Variants in TRPC5OS observed in about 807,000 individuals in gnomAD.
TRPC5OS encodes putative uncharacterized protein TRPC5OS.
For missense variants in TRPC5OS, 64 were observed against 79.3 expected, an observed-to-expected ratio of 0.81 and a Z score of 0.73; for synonymous variants, 30 against 29.3, an observed-to-expected ratio of 1.02 and a Z score of -0.08.
In TRPC5OS at chrX:111,902,913, A is replaced by G. The variant is rs1407369698; in HGVS notation, c.*728A>G. The G allele has an allele frequency of 8.9e-6, 1 of 112,020 alleles. No individual in the cohort carries two copies. Among genetic ancestry groups the G allele is most frequent in the Non-Finnish European group, 1.9e-5 (1 of 53,163 alleles). The allele number at this position is 112,020 out of a possible 1,213,427, so 9.2% of individuals were successfully genotyped here. ...CAAATGGAAAAGGCACACTATACCAAATAATCAAAGAGAGAAGTAATAGAA... is the reference window on the plus strand; with the variant it reads ...CAAATGGAAAAGGCACACTATACCAGATAATCAAAGAGAGAAGTAATAGAA... On this transcript the variant is annotated 3_prime_UTR_variant, in exon 4 of 4. Transcript: ENST00000635763.
chrX:111,900,364 T>G (rs1464352845), intron 3 of TRPC5OS, among the ~76,000 whole-genome samples: 1 of 111,486 alleles, frequency 9.0e-6, no homozygotes. Flanking sequence ...AGCCAGAAAT[T>G]TAACATGTAG....
At position 111,879,747 on chromosome X, in the gene TRPC5OS, A is replaced by G. The variant is rs752587716; in HGVS notation, c.-546+3474A>G. Among the ~76,000 whole-genome samples, 18 of 112,535 alleles carry G rather than the reference A, an allele frequency of 1.6e-4. No homozygotes were observed. The South Asian group carries it at 1.8e-3, about 11-fold the overall frequency. On this transcript the variant is annotated intron_variant, in intron 1 of 3. Coordinates refer to ENST00000635763, the MANE Select transcript of TRPC5OS (RefSeq NM_001195578.2). ...CATGATTAGTATCTATCCTCTTTTT[A>G]CAGAGAAAGAAATATGAGGCTCATT...
chrX:111,885,655 G>A, intron 1 of TRPC5OS, among the ~76,000 whole-genome samples: 1 of 110,176 alleles, frequency 9.1e-6, no homozygotes. Flanking sequence ...CTTGAGATAG[G>A]TGTCAACATC....
intron 1 of TRPC5OS, among the ~76,000 whole-genome samples, chrX:111,883,776 A>C (rs1004407004): frequency 8.9e-5 from 10 of 112,775 alleles, no homozygotes; most frequent in Admixed American, 8.4e-4. Flanking sequence ...GAGCCAGGTT[A>C]AGCCCTAGCC....
At chrX:111,885,363 C>T (rs1247792608) in intron 1 of TRPC5OS, among the ~76,000 whole-genome samples, 1 of 111,430 alleles carries the variant, frequency 9.0e-6, no homozygotes. Flanking sequence ...TAGTTAGGAC[C>T]TAGTCATCCC....
chrX:111,881,104 CTA>C (rs1185634708), intron 1 of TRPC5OS, among the ~76,000 whole-genome samples: 1 of 110,628 alleles, frequency 9.0e-6, no homozygotes, highest in Admixed American at 9.6e-5. Flanking sequence ...CTTAGGAATG[CTA>C]TGTTTTTTTG....
At position 111,899,857 on chromosome X, in the gene TRPC5OS, A is replaced by G. The variant is rs180971738; in HGVS notation, c.-310-1683A>G. ...TAAATCAAACAAACAGATCCTTTGA[A>G]TTAATAAAACAAACTGCTCTGCCTC... is the stretch of plus-strand genomic sequence containing the variant. On this transcript the variant is annotated intron_variant, in intron 3 of 3. Transcript: ENST00000635763. Among the ~76,000 whole-genome samples, 130 of 111,595 alleles carry G rather than the reference A, an allele frequency of 1.2e-3. No individual in the cohort carries two copies. In the Middle Eastern group the frequency reaches 0.014, roughly 12 times the overall value.
At chrX:111,886,725 G>A (rs1192469971) in intron 1 of TRPC5OS, among the ~76,000 whole-genome samples, 2 of 112,054 alleles carry the variant, frequency 1.8e-5, no homozygotes, top group Non-Finnish European at 3.8e-5. Flanking sequence ...CTCTGGTACT[G>A]TGGATTCAAT....
At chrX:111,894,194 C>T (rs1924950969) in intron 1 of TRPC5OS, among the ~76,000 whole-genome samples, 1 of 111,453 alleles carries the variant, frequency 9.0e-6, no homozygotes, top group East Asian at 2.8e-4. Flanking sequence ...ACTAATTTAC[C>T]TTACCTAATA....
At chrX:111,897,619 G>A (rs1157926633) in intron 3 of TRPC5OS, among the ~76,000 whole-genome samples, 2 of 111,501 alleles carry the variant, frequency 1.8e-5, no homozygotes, top group Non-Finnish European at 3.8e-5. Flanking sequence ...ATTGTATATG[G>A]ATGGAATCAT....
At chrX:111,893,720 ATTCTT>A (rs1031213955) in intron 1 of TRPC5OS, among the ~76,000 whole-genome samples, 7 of 112,013 alleles carry the variant, frequency 6.2e-5, no homozygotes, top group Non-Finnish European at 1.3e-4. Flanking sequence ...CAGCTGCACA[ATTCTT>A]TCCTTTCTTT....
Position 111,902,393 on chromosome X carries a change from G to A in TRPC5OS, c.*208G>A. The A allele has an allele frequency of 3.4e-6, 1 of 291,069 alleles. No homozygotes were observed. The highest frequency in any genetic ancestry group is 5.9e-6 in the Non-Finnish European group (1 of 168,574). 24.0% of individuals were successfully genotyped at this position (291,069 alleles called of 1,213,427 possible). ...TCTTTGTTGTTATTCAGAAAGTTCT[G>A]TCTTTTGCCATGTAGGTCTCCCTTT... On this transcript the variant is annotated 3_prime_UTR_variant, in exon 4 of 4. Transcript: ENST00000635763.
chrX:111,882,867 C>T (rs1408659969), intron 1 of TRPC5OS, among the ~76,000 whole-genome samples: 1 of 111,745 alleles, frequency 8.9e-6, no homozygotes, highest in East Asian at 2.8e-4. Flanking sequence ...AGGAGAGTCA[C>T]CTGAGGTTAG....
chrX:111,896,814 TCTTTA>T (rs1360488938), intron 3 of TRPC5OS, among the ~76,000 whole-genome samples: 1 of 112,062 alleles, frequency 8.9e-6, no homozygotes, highest in East Asian at 2.8e-4. Context: ...CAGCTCTGCA[TCTTTA>T]CTTATGTGAT....
intron 1 of TRPC5OS, among the ~76,000 whole-genome samples, chrX:111,881,269 C>T (rs1440510220): frequency 3.6e-5 from 4 of 110,092 alleles, no homozygotes; most frequent in Non-Finnish European, 7.6e-5. Context: ...CTCCACCTCC[C>T]GGGTTCAAGT....
At chrX:111,896,177 T>C (rs1925050873) in intron 2 of TRPC5OS, 81 bp downstream of exon 2, 1 of 111,144 alleles carries the variant, frequency 9.0e-6, no homozygotes, top group Non-Finnish European at 1.9e-5. Flanking sequence ...CCCAAAGTTA[T>C]GCTCATTTCT....
At chrX:111,876,900 A>C (rs1184140208) in intron 1 of TRPC5OS, among the ~76,000 whole-genome samples, 1 of 111,651 alleles carries the variant, frequency 9.0e-6, no homozygotes, top group East Asian at 2.8e-4. Flanking sequence ...TTAGTCATTC[A>C]TAACAACATT....
Position 111,903,507 on chromosome X carries a change from G to A in TRPC5OS, c.*1322G>A, listed in dbSNP as rs992848485. The stretch of plus-strand genomic sequence containing the variant: ...ATGTTGCTATAAACAGCTGGTAGGC[G>A]ATTGACATAAGTCATGTATCTGAAA... On this transcript the variant is annotated 3_prime_UTR_variant, in exon 4 of 4. Coordinates refer to ENST00000635763, the MANE Select transcript of TRPC5OS (RefSeq NM_001195578.2). The A allele has an allele frequency of 8.9e-6, 1 of 112,175 alleles. No homozygotes were observed. Among genetic ancestry groups the A allele is most frequent in the African/African-American group, 3.2e-5 (1 of 30,864 alleles). 9.2% of individuals were successfully genotyped at this position (112,175 alleles called of 1,213,427 possible).
At chrX:111,890,714 A>G (rs1005011607) in intron 1 of TRPC5OS, among the ~76,000 whole-genome samples, 4 of 112,210 alleles carry the variant, frequency 3.6e-5, no homozygotes, top group African/African-American at 9.7e-5. Context: ...AATTAAATAA[A>G]AAATTTTAAC....
Sources: allele counts gnomAD v4.1 joint callset (sites outside exome capture counted in the v4.1 genomes callset), GRCh38; gene constraint gnomAD v4.1.1; transcripts MANE v1.5; gene names NCBI Gene and HGNC (gene_info 2026-07-23, HGNC 2026-07-21).